MAN1A1: variants seen among roughly 807,000 people sequenced by gnomAD.
MAN1A1 encodes the protein mannosidase alpha class 1A member 1, also known as mannosyl-oligosaccharide 1,2-alpha-mannosidase IA.
MAN1A1 carries 29 observed loss-of-function variants against 70.8 expected under a neutral mutation model. The ratio of observed to expected loss-of-function variants is 0.41; its 90% confidence interval spans 0.31 to 0.56. The LOEUF (loss-of-function observed/expected upper bound fraction) is 0.56. Ranked by LOEUF, MAN1A1 falls within the 20% of genes least tolerant of loss-of-function variation. The pLI, the probability that MAN1A1 is intolerant of heterozygous loss-of-function variation, is 0.29. For synonymous variants in MAN1A1, 349 were observed against 330.1 expected (o/e 1.06, Z -0.62); for missense variants, 747 against 841.3 (o/e 0.89, Z 1.39).
At chr6:119,278,951 C>T (rs892863689) in intron 5 of MAN1A1, among the ~76,000 whole-genome samples, 8 of 152,184 alleles carry the variant, frequency 5.3e-5, no homozygotes, top group Middle Eastern at 3.4e-3. Context: ...ACTGCAGAAC[C>T]GTGAGCCAAA....
chr6:119,214,474 A>G (rs182496010), intron 6 of MAN1A1, among the ~76,000 whole-genome samples: 10 of 152,318 alleles, frequency 6.6e-5, no homozygotes, highest in African/African-American at 2.4e-4. Context: ...ATAAGTTTTT[A>G]AATTGTAAAA....
intron 5 of MAN1A1, among the ~76,000 whole-genome samples, chr6:119,249,159 C>T (rs574766789): frequency 6.6e-6 from 1 of 152,054 alleles, no homozygotes; most frequent in African/African-American, 2.4e-5. Flanking sequence ...TCAGCCTCCT[C>T]CCGACAGAAG....
intron 2 of MAN1A1, chr6:119,331,865 C>T: frequency 2.5e-6 from 1 of 392,474 alleles, no homozygotes; most frequent in Non-Finnish European, 5.0e-6. Context: ...CCTGCCAAGG[C>T]CCCAGGGGAT....
chr6:119,209,186 G>A (rs1773975841), intron 6 of MAN1A1, among the ~76,000 whole-genome samples: 1 of 149,696 alleles, frequency 6.7e-6, no homozygotes, highest in Non-Finnish European at 1.5e-5. Context: ...ATCATCAAAT[G>A]TACCAGATAA....
intron 5 of MAN1A1, among the ~76,000 whole-genome samples, chr6:119,265,079 CTTCTT>C (rs1005602831): frequency 2.7e-5 from 4 of 147,718 alleles, no homozygotes; most frequent in African/African-American, 1.0e-4. Context: ...ACATTTTGGA[CTTCTT>C]TTAAGTGCCT....
intron 6 of MAN1A1, among the ~76,000 whole-genome samples, chr6:119,232,161 A>T (rs1037457889): frequency 5.9e-5 from 9 of 152,032 alleles, no homozygotes; most frequent in Non-Finnish European, 1.3e-4. Context: ...TCACGAGGTC[A>T]GGAGATCGAG....
rs187557896 is a variant in MAN1A1 at position 119,229,129 on chromosome 6, T to C, written c.992+19131A>G. Among the ~76,000 whole-genome samples, 196 of 151,608 alleles carry C rather than the reference T, an allele frequency of 1.3e-3. 1 individual carries two copies. The East Asian group carries it at 0.025, about 19-fold the overall frequency. On this transcript the variant is annotated intron_variant, in intron 6 of 12. Transcript: ENST00000368468. Reference sequence around the variant, plus strand: ...ATATTTGAGGCAAGAACTTTATTACTAGGGTAATGATATTAAGATGACTAT... The same window carrying C: ...ATATTTGAGGCAAGAACTTTATTACCAGGGTAATGATATTAAGATGACTAT...
chr6:119,243,256 T>TG (rs1287805182), intron 6 of MAN1A1, among the ~76,000 whole-genome samples: 2 of 152,096 alleles, frequency 1.3e-5, no homozygotes, highest in African/African-American at 4.8e-5. Context: ...TCAGAAAATT[T>TG]GTTTATTGAT....
intron 6 of MAN1A1, among the ~76,000 whole-genome samples, chr6:119,244,905 T>C (rs1775130463): frequency 6.6e-6 from 1 of 152,150 alleles, no homozygotes; most frequent in Non-Finnish European, 1.5e-5. Flanking sequence ...TTCCCAGGAC[T>C]TAGTAAGAAA....
In MAN1A1 at chr6:119,348,518, T is replaced by C. The variant is rs143029484; in HGVS notation, c.548A>G (p.Glu183Gly). ...GGCGGCGTCGGCGGGCTCCCGGCTC[T>C]CCACCCCGATTGGGGGCACGAAGTC... ...PVDFVPPIGV[E>G]SREPADAAIR... Residue 183 changes from glutamate (E) to glycine (G), a missense_variant, in exon 2 of 13, where the codon GAG becomes GGG. Coordinates refer to ENST00000368468, the MANE Select transcript of MAN1A1 (RefSeq NM_005907.4). 234 of 1,612,010 alleles carry C rather than the reference T, an allele frequency of 1.5e-4. No individual in the cohort carries two copies. The highest frequency in any genetic ancestry group is 1.8e-4 in the Non-Finnish European group (212 of 1,179,144).
At chr6:119,187,275 T>C (rs560054719) in intron 11 of MAN1A1, among the ~76,000 whole-genome samples, 1 of 152,316 alleles carries the variant, frequency 6.6e-6, no homozygotes, top group East Asian at 1.9e-4. Context: ...TATTTTCAAC[T>C]TAAAATATTC....
rs557015004 is a variant in MAN1A1 at position 119,349,752 on chromosome 6, C to T, written c.-433G>A. The T allele has an allele frequency of 3.0e-6, 3 of 985,408 alleles. No homozygotes were observed. In the South Asian group the frequency reaches 1.4e-4, roughly 46 times the overall value. The allele number at this position is 985,408 out of a possible 1,614,324, so 61.0% of individuals were successfully genotyped here. On this transcript the variant is annotated 5_prime_UTR_variant, in exon 1 of 13. Transcript: ENST00000368468. The stretch of plus-strand genomic sequence containing the variant: ...AGCACGGTACACTCCGCCGCGGCCC[C>T]GCGAGCACTAATCTCACTGCCGGTC...
intron 8 of MAN1A1, among the ~76,000 whole-genome samples, chr6:119,198,714 C>A (rs1421237758): frequency 2.0e-5 from 3 of 152,082 alleles, no homozygotes; most frequent in South Asian, 4.1e-4. Context: ...TTCTTGTTTG[C>A]CTTGACAGGA....
chr6:119,219,053 T>C (rs1452552302), intron 6 of MAN1A1, among the ~76,000 whole-genome samples: 1 of 152,198 alleles, frequency 6.6e-6, no homozygotes, highest in Admixed American at 6.5e-5. Flanking sequence ...TTTGGTTATA[T>C]GTCATTTTGC....
chr6:119,199,412 A>T (rs1773656594), intron 8 of MAN1A1, among the ~76,000 whole-genome samples: 1 of 152,082 alleles, frequency 6.6e-6, no homozygotes, highest in African/African-American at 2.4e-5. Flanking sequence ...CAAAACACCC[A>T]AGAGCTTTTC....
Position 119,325,841 on chromosome 6 carries a change from C to T in MAN1A1, c.604-18849G>A, listed in dbSNP as rs540151958. On this transcript the variant is annotated intron_variant, in intron 2 of 12. Transcript: ENST00000368468. ...CAATATTCCCTACATGTGGATACAG[C>T]ATGTTTGCTTGCCTTCTCTATTTGC... is the stretch of plus-strand genomic sequence containing the variant. 5.3e-5 allele frequency among the ~76,000 whole-genome samples: 8 copies of T among 152,322 alleles called. No homozygotes were observed. In the East Asian group the frequency reaches 1.5e-3, roughly 29 times the overall value.
Position 119,312,160 on chromosome 6 carries a change from G to C in MAN1A1, c.604-5168C>G, listed in dbSNP as rs1018399532. Among the ~76,000 whole-genome samples the C allele has an allele frequency of 1.1e-4, 17 of 152,108 alleles. 1 individual carries two copies. Among genetic ancestry groups the C allele is most frequent in the African/African-American group, 3.9e-4 (16 of 41,424 alleles). On this transcript the variant is annotated intron_variant, in intron 2 of 12. Coordinates refer to ENST00000368468, the MANE Select transcript of MAN1A1 (RefSeq NM_005907.4). ...GCTGTGTCTGATTCAGGCAAGGTCT[G>C]AGGTGGAAGAGCAATCTAACTCACT...
At chr6:119,231,597 G>T (rs1582717844) in intron 6 of MAN1A1, among the ~76,000 whole-genome samples, 1 of 152,276 alleles carries the variant, frequency 6.6e-6, no homozygotes, top group Middle Eastern at 3.4e-3. Context: ...GGCTTGAGGA[G>T]TCAGGACAAG....
intron 2 of MAN1A1, among the ~76,000 whole-genome samples, chr6:119,315,473 T>C (rs1772823371): frequency 1.3e-5 from 2 of 152,222 alleles, no homozygotes; most frequent in Non-Finnish European, 1.5e-5. Context: ...GAAAACCCAG[T>C]GTTTCCAGTT....
Sources: gnomAD v4.1 joint callset for allele counts (sites outside exome capture counted in the v4.1 genomes callset) on GRCh38, gnomAD v4.1.1 for gene constraint, MANE v1.5 for transcripts, NCBI Gene and HGNC (gene_info 2026-07-23, HGNC 2026-07-21) for gene names.